SUCLG2: variants seen among roughly 807,000 people sequenced by gnomAD.
SUCLG2 encodes succinate-CoA ligase GDP-forming subunit beta, also known as succinate--CoA ligase [GDP-forming] subunit beta, mitochondrial.
In SUCLG2, 42 loss-of-function variants were observed where a neutral mutation model predicts 47.9. The ratio of observed to expected loss-of-function variants is 0.88; its 90% confidence interval spans 0.69 to 1.14. The LOEUF (loss-of-function observed/expected upper bound fraction) is 1.14. Ranked by LOEUF, SUCLG2 falls within the 50% of genes most tolerant of loss-of-function variation. The probability of loss-of-function intolerance (pLI) is 0.00; values close to 1 mark genes in which losing one functional copy is unlikely to be tolerated. For synonymous variants in SUCLG2, 195 were observed against 197.3 expected (o/e 0.99, Z 0.10); for missense variants, 571 against 525.9 (o/e 1.09, Z -0.84).
At chr3:67,651,366 T>C (rs1701281956) in intron 1 of SUCLG2, among the ~76,000 whole-genome samples, 1 of 152,104 alleles carries the variant, frequency 6.6e-6, no homozygotes, top group South Asian at 2.1e-4. Flanking sequence ...CTCATTCTCA[T>C]CTCAGTCTTT....
chr3:67,595,228 A>G (rs935808094), intron 2 of SUCLG2, among the ~76,000 whole-genome samples: 3 of 152,186 alleles, frequency 2.0e-5, no homozygotes, highest in Admixed American at 2.0e-4. Flanking sequence ...AAACACTGTG[A>G]AGTTAAAAGG....
intron 10 of SUCLG2, among the ~76,000 whole-genome samples, chr3:67,380,262 A>C (rs1467078847): frequency 6.6e-6 from 1 of 150,576 alleles, no homozygotes; most frequent in Non-Finnish European, 1.5e-5. Context: ...GGCTGTGCTC[A>C]CTGCCCTGAG....
chr3:67,586,304 T>C (rs895175931), intron 2 of SUCLG2, among the ~76,000 whole-genome samples: 1 of 152,244 alleles, frequency 6.6e-6, no homozygotes, highest in Non-Finnish European at 1.5e-5. Context: ...CAGTGAATAG[T>C]ACCAGTTAAC....
intron 1 of SUCLG2, among the ~76,000 whole-genome samples, chr3:67,635,811 C>A (rs1365147599): frequency 6.6e-6 from 1 of 152,190 alleles, no homozygotes; most frequent in Non-Finnish European, 1.5e-5. Flanking sequence ...ACTGGAAACT[C>A]AAAGCAGGCC....
intron 9 of SUCLG2, among the ~76,000 whole-genome samples, chr3:67,462,269 C>A (rs1704355866): frequency 6.6e-6 from 1 of 152,130 alleles, no homozygotes; most frequent in African/African-American, 2.4e-5. Context: ...TCTCCCCCCA[C>A]TTTTCTGATT....
At chr3:67,466,427 C>G (rs1704474175) in intron 9 of SUCLG2, among the ~76,000 whole-genome samples, 1 of 152,186 alleles carries the variant, frequency 6.6e-6, no homozygotes, top group Admixed American at 6.5e-5. Flanking sequence ...CATTAACATA[C>G]TAGGTAAACT....
chr3:67,583,231 T>C (rs1165545862), intron 2 of SUCLG2, among the ~76,000 whole-genome samples: 3 of 152,138 alleles, frequency 2.0e-5, no homozygotes, highest in African/African-American at 7.2e-5. Context: ...CTGCTGCAGA[T>C]GCCTCTGTCA....
At position 67,582,564 on chromosome 3, in the gene SUCLG2, G is replaced by A. The variant is rs140735924; in HGVS notation, c.226+26891C>T. On this transcript the variant is annotated intron_variant, in intron 2 of 10. Coordinates refer to ENST00000307227, the MANE Select transcript of SUCLG2 (RefSeq NM_003848.4). ...CCATGTCTTTGCTATAGTGAATAGC[G>A]CTACAATGAACATATATGTGCATGT... Among the ~76,000 whole-genome samples the A allele has an allele frequency of 2.1e-3, 320 of 152,218 alleles. 2 individuals are homozygous for A. The highest frequency in any genetic ancestry group is 3.2e-3 in the Non-Finnish European group (220 of 68,028).
At chr3:67,409,992 A>G (rs958014592) in intron 9 of SUCLG2, among the ~76,000 whole-genome samples, 3 of 152,156 alleles carry the variant, frequency 2.0e-5, no homozygotes, top group South Asian at 2.1e-4. Context: ...CCTTGAAAAA[A>G]TCTTCTGGTC....
chr3:67,597,352 C>T (rs895091840), intron 2 of SUCLG2, among the ~76,000 whole-genome samples: 1 of 152,200 alleles, frequency 6.6e-6, no homozygotes, highest in Non-Finnish European at 1.5e-5. Context: ...GGTATGTATA[C>T]ACCAGAAGTC....
chr3:67,647,790 C>T (rs1177209797), intron 1 of SUCLG2, among the ~76,000 whole-genome samples: 3 of 152,092 alleles, frequency 2.0e-5, no homozygotes, highest in African/African-American at 7.2e-5. Context: ...AATCAGAGCC[C>T]GGGAGGCAGA....
At chr3:67,399,804 G>C (rs998110539) in intron 10 of SUCLG2, among the ~76,000 whole-genome samples, 53 of 152,102 alleles carry the variant, frequency 3.5e-4, no homozygotes, top group African/African-American at 1.2e-3. Flanking sequence ...ATTCCACATG[G>C]AAACTAATTT....
At chr3:67,440,426 A>G (rs1309290394) in intron 9 of SUCLG2, among the ~76,000 whole-genome samples, 1 of 152,242 alleles carries the variant, frequency 6.6e-6, no homozygotes, top group Non-Finnish European at 1.5e-5. Context: ...AAAAGAAATT[A>G]TCACAAGAGT....
rs546570177 is a variant in SUCLG2, at chr3:67,637,500, T to G, written c.84+17003A>C. ...AGCTAGGACATTTTAATCAATAAAGTGTGAGGGCAATTTACTGACTTACAT... is the reference window on the plus strand; with the variant it reads ...AGCTAGGACATTTTAATCAATAAAGGGTGAGGGCAATTTACTGACTTACAT... On this transcript the variant is annotated intron_variant, in intron 1 of 10. Coordinates refer to ENST00000307227, the MANE Select transcript of SUCLG2 (RefSeq NM_003848.4). Among the ~76,000 whole-genome samples, 11 of 152,362 alleles carry G rather than the reference T, an allele frequency of 7.2e-5. No homozygotes were observed. The South Asian group carries it at 2.3e-3, about 32-fold the overall frequency.
At position 67,628,003 on chromosome 3, in the gene SUCLG2, GT is replaced by G. The variant is rs1178312970; in HGVS notation, c.85-18408del. Among the ~76,000 whole-genome samples the G allele has an allele frequency of 7.9e-5, 12 of 152,170 alleles. No individual in the cohort carries two copies. The South Asian group carries it at 2.1e-3, about 26-fold the overall frequency. ...TTAGTTAGTGGTGGTTTTTTTTGGA[GT>G]TTTTTGCCCTTCTAGTCCTCCAATA... On this transcript the variant is annotated intron_variant, in intron 1 of 10. Coordinates refer to ENST00000307227, the MANE Select transcript of SUCLG2 (RefSeq NM_003848.4).
chr3:67,641,712 T>C (rs1242728155), intron 1 of SUCLG2, among the ~76,000 whole-genome samples: 1 of 152,174 alleles, frequency 6.6e-6, no homozygotes. Context: ...ACATACTGGG[T>C]ATCCTAGGAC....
At chr3:67,476,992 A>G (rs1704779218) in intron 9 of SUCLG2, among the ~76,000 whole-genome samples, 1 of 152,156 alleles carries the variant, frequency 6.6e-6, no homozygotes, top group Admixed American at 6.5e-5. Context: ...AGGTCTCTGG[A>G]GCCAGAATAA....
chr3:67,535,296 G>A (rs1440217019), intron 2 of SUCLG2, among the ~76,000 whole-genome samples: 6 of 152,048 alleles, frequency 3.9e-5, no homozygotes, highest in Non-Finnish European at 5.9e-5. Flanking sequence ...ACTTACAAGA[G>A]GAGCTGAGAA....
intron 10 of SUCLG2, among the ~76,000 whole-genome samples, chr3:67,377,754 A>G (rs1702064941): frequency 6.6e-6 from 1 of 152,190 alleles, no homozygotes; most frequent in Non-Finnish European, 1.5e-5. Context: ...CCGGTGCCCA[A>G]GTGATCCTTC....
Sources: allele counts gnomAD v4.1 joint callset (sites outside exome capture counted in the v4.1 genomes callset), GRCh38; gene constraint gnomAD v4.1.1; transcripts MANE v1.5; gene names NCBI Gene and HGNC (gene_info 2026-07-23, HGNC 2026-07-21).